CAPN3: variants seen among roughly 807,000 people sequenced by gnomAD.
The protein encoded by CAPN3 is calpain-3.
CAPN3 carries 88 observed loss-of-function variants against 114.0 expected under a neutral mutation model. That is an observed-to-expected ratio of 0.77 (90% CI 0.65 to 0.92). The LOEUF is 0.92. Ranked by LOEUF, CAPN3 falls within the 40% of genes least tolerant of loss-of-function variation. The pLI, the probability that CAPN3 is intolerant of heterozygous loss-of-function variation, is 0.00. For synonymous variants in CAPN3, 386 were observed against 382.9 expected, an observed-to-expected ratio of 1.01 and a Z score of -0.09; for missense variants, 1,028 against 1,069.0, an observed-to-expected ratio of 0.96 and a Z score of 0.53.
chr15:42,380,087 C>T (rs571053488), intron 1 of CAPN3, among the ~76,000 whole-genome samples: 46 of 152,140 alleles, frequency 3.0e-4, no homozygotes, highest in South Asian at 1.2e-3. Context: ...GCGACAAGAG[C>T]GAAACTCTGT....
intron 21 of CAPN3, 94 bp from the exon 22 acceptor site, chr15:42,410,790 C>T (rs2054193858): frequency 2.2e-6 from 3 of 1,374,912 alleles, no homozygotes; most frequent in African/African-American, 2.8e-5. Context: ...ACTTTCCCTT[C>T]CCAGGTCACA....
intron 13 of CAPN3, 85 bp downstream of exon 13, chr15:42,403,087 C>G: frequency 9.0e-7 from 1 of 1,107,012 alleles, no homozygotes; most frequent in Non-Finnish European, 1.4e-6. Flanking sequence ...CAGCTAGACA[C>G]GTCTCCTCCA....
At chr15:42,374,881 G>C (rs1452420849) in intron 1 of CAPN3, among the ~76,000 whole-genome samples, 5 of 141,082 alleles carry the variant, frequency 3.5e-5, no homozygotes, top group African/African-American at 1.3e-4. Context: ...GCTCACTGCA[G>C]CCTCAACCCC....
chr15:42,384,670 AT>A, intron 2 of CAPN3, 118 bp downstream of exon 2: 1 of 780,810 alleles, frequency 1.3e-6, no homozygotes, highest in Non-Finnish European at 2.3e-6. Flanking sequence ...TTTTTGGAAG[AT>A]TTTTTATAAC....
At chr15:42,387,916 GC>G (rs1484998244) in intron 4 of CAPN3, 30 bp downstream of exon 4, 2 of 1,614,098 alleles carry the variant, frequency 1.2e-6, no homozygotes, top group South Asian at 1.1e-5. Context: ...GTGAGGTGGG[GC>G]TAGAGGTGAG....
At chr15:42,388,255 A>T (rs1412151395) in intron 4 of CAPN3, among the ~76,000 whole-genome samples, 3 of 152,146 alleles carry the variant, frequency 2.0e-5, no homozygotes, top group Admixed American at 6.5e-5. Flanking sequence ...CAGATTTATA[A>T]AGCCATGTTG....
chr15:42,402,698 C>A, intron 12 of CAPN3, 96 bp from the exon 13 acceptor site: 1 of 1,573,098 alleles, frequency 6.4e-7, no homozygotes, highest in Non-Finnish European at 8.7e-7. Context: ...ACATGGGTGA[C>A]CAGGGAGTTG....
chr15:42,404,780 A>G, intron 14 of CAPN3: 1 of 1,112,732 alleles, frequency 9.0e-7, no homozygotes, highest in Non-Finnish European at 1.1e-6. Context: ...AGTCATGGTC[A>G]TAATCCTGAC....
chr15:42,390,790 G>GTTTTTTTTT (rs373599109), intron 6 of CAPN3, among the ~76,000 whole-genome samples: 67 of 110,268 alleles, frequency 6.1e-4, no homozygotes, highest in East Asian at 1.6e-3. Flanking sequence ...TTGTTTTTTT[G>GTTTTTTTTT]TTTTTTTTTT....
intron 7 of CAPN3, among the ~76,000 whole-genome samples, chr15:42,393,538 G>A (rs2141178809): frequency 6.6e-6 from 1 of 151,518 alleles, no homozygotes; most frequent in Non-Finnish European, 1.5e-5. Context: ...CAGACTGGAG[G>A]GAGTCTGCTT....
chr15:42,361,212 A>G (rs8026177), intron 1 of CAPN3, among the ~76,000 whole-genome samples: 1 of 152,008 alleles, frequency 6.6e-6, no homozygotes, highest in African/African-American at 2.4e-5. Context: ...ATGCCTATAA[A>G]CCCAGCATTT....
chr15:42,397,278 C>T (rs923278665), intron 9 of CAPN3, among the ~76,000 whole-genome samples: 3 of 152,188 alleles, frequency 2.0e-5, no homozygotes, highest in Non-Finnish European at 4.4e-5. Flanking sequence ...ATTTTCAAGT[C>T]TCAGCTTAAG....
chr15:42,392,500 T>C, intron 6 of CAPN3, 139 bp from the exon 7 acceptor site: 1 of 696,318 alleles, frequency 1.4e-6, no homozygotes, highest in Non-Finnish European at 2.6e-6. Flanking sequence ...CCGTTCGTGG[T>C]CGTGAGGCAC....
intron 12 of CAPN3, 96 bp downstream of exon 12, chr15:42,402,231 G>C: frequency 6.2e-7 from 1 of 1,606,544 alleles, no homozygotes; most frequent in Non-Finnish European, 8.5e-7. Flanking sequence ...GGTGGGGTTT[G>C]TGGGCAGGAC....
chr15:42,411,212 CCT>C, intron 22 of CAPN3, 73 bp from the exon 23 acceptor site: 1 of 1,273,968 alleles, frequency 7.8e-7, no homozygotes, highest in Non-Finnish European at 1.2e-6. Context: ...GGCACATGGT[CCT>C]CTGAGGGGAA....
In CAPN3 at chr15:42,369,973, A is replaced by G. The variant is rs147663580; in HGVS notation, c.309+9859A>G. ...CTGCAACATACATCTCCTGGGTTCA[A>G]TTCATTCTCCTGCCTCAGCCTCCCA... is the stretch of plus-strand genomic sequence containing the variant. On this transcript the variant is annotated intron_variant, in intron 1 of 23. Coordinates refer to ENST00000397163, the MANE Select transcript of CAPN3 (RefSeq NM_000070.3). 6.3e-3 allele frequency among the ~76,000 whole-genome samples: 957 copies of G among 151,432 alleles called. 15 individuals carry two copies. Among genetic ancestry groups the G allele is most frequent in the African/African-American group, 0.022 (912 of 41,168 alleles).
At chr15:42,403,879 A>C in intron 14 of CAPN3, 102 bp downstream of exon 14, 1 of 1,049,474 alleles carries the variant, frequency 9.5e-7, no homozygotes, top group Non-Finnish European at 1.5e-6. Context: ...GGCAGAGGGA[A>C]TGGGAGTCTG....
intron 15 of CAPN3, 51 bp downstream of exon 15, chr15:42,405,994 G>A (rs1475324918): frequency 6.8e-7 from 1 of 1,462,626 alleles, no homozygotes; most frequent in Non-Finnish European, 9.6e-7. Flanking sequence ...GCATATGTAT[G>A]TGCATGCATG....
chr15:42,396,921 AAG>A, intron 9 of CAPN3, 44 bp downstream of exon 9: 2 of 1,410,512 alleles, frequency 1.4e-6, no homozygotes, highest in Non-Finnish European at 2.0e-6. Flanking sequence ...AAGGGTGGGG[AAG>A]AGAGGGGAAA....
Sources: allele counts gnomAD v4.1 joint callset (sites outside exome capture counted in the v4.1 genomes callset), GRCh38; gene constraint gnomAD v4.1.1; transcripts MANE v1.5; gene names NCBI Gene and HGNC (gene_info 2026-07-23, HGNC 2026-07-21).